Variants in ATG5 observed in about 807,000 individuals in gnomAD.
The protein encoded by ATG5 is autophagy protein 5.
ATG5 carries 14 observed loss-of-function variants against 36.5 expected under a neutral mutation model. The observed-to-expected ratio is 0.38, with a 90% CI of 0.25 to 0.60. ATG5 has a LOEUF of 0.60. Ranked by LOEUF, ATG5 falls within the 20% of genes least tolerant of loss-of-function variation. The pLI, the probability that ATG5 is intolerant of heterozygous loss-of-function variation, is 0.60. For synonymous variants in ATG5, 95 were observed against 101.5 expected (o/e 0.94, Z 0.38); for missense variants, 195 against 326.7 (o/e 0.60, Z 3.11).
At chr6:106,317,061 G>A (rs1770879559) in intron 1 of ATG5, among the ~76,000 whole-genome samples, 4 of 152,046 alleles carry the variant, frequency 2.6e-5, no homozygotes, top group African/African-American at 9.7e-5. Flanking sequence ...CACTAGATCT[G>A]CAAAACAATA....
chr6:106,195,045 C>A (rs1776121555), intron 7 of ATG5, among the ~76,000 whole-genome samples: 1 of 152,172 alleles, frequency 6.6e-6, no homozygotes, highest in African/African-American at 2.4e-5. Flanking sequence ...TCCAACTTGA[C>A]TAATTCCCTT....
intron 5 of ATG5, among the ~76,000 whole-genome samples, chr6:106,262,078 A>G (rs914847181): frequency 5.9e-5 from 9 of 152,160 alleles, no homozygotes; most frequent in African/African-American, 2.2e-4. Context: ...AGAGTTTCTG[A>G]TTCAGCTGAT....
chr6:106,316,697 T>G (rs528448256), intron 1 of ATG5, among the ~76,000 whole-genome samples: 1 of 152,292 alleles, frequency 6.6e-6, no homozygotes, highest in Admixed American at 6.5e-5. Context: ...CTACTCCAGA[T>G]AGTTTCTCCT....
At chr6:106,202,804 G>A (rs955380329) in intron 6 of ATG5, among the ~76,000 whole-genome samples, 14 of 152,172 alleles carry the variant, frequency 9.2e-5, no homozygotes, top group African/African-American at 3.4e-4. Flanking sequence ...TGGGACTACA[G>A]GAGTGCGCCA....
chr6:106,286,816 T>C (rs927210727), intron 4 of ATG5, among the ~76,000 whole-genome samples: 2 of 152,166 alleles, frequency 1.3e-5, no homozygotes, highest in Non-Finnish European at 2.9e-5. Flanking sequence ...AACAAGAAGA[T>C]AGGCCCCTCA....
At chr6:106,195,049 T>C (rs1776121643) in intron 7 of ATG5, among the ~76,000 whole-genome samples, 1 of 152,178 alleles carries the variant, frequency 6.6e-6, no homozygotes, top group Non-Finnish European at 1.5e-5. Context: ...ACTTGACTAA[T>C]TCCCTTAGCC....
intron 6 of ATG5, among the ~76,000 whole-genome samples, chr6:106,239,163 GAAA>G (rs11461527): frequency 3.2e-4 from 46 of 143,980 alleles, no homozygotes; most frequent in African/African-American, 1.1e-3. Flanking sequence ...AATAAAGCAA[GAAA>G]AAAAAAAGTT....
chr6:106,314,492 G>A (rs11152974), intron 2 of ATG5, among the ~76,000 whole-genome samples: 26,870 of 152,098 alleles, frequency 0.18, 2,775 homozygotes, highest in African/African-American at 0.28. Flanking sequence ...AGGAGAGGGA[G>A]GTTGCAGTGA....
rs187749255 is a variant in ATG5 at position 106,323,058 on chromosome 6, A to G, written c.-59+2468T>C. On this transcript the variant is annotated intron_variant, in intron 1 of 7. Coordinates refer to ENST00000369076, the MANE Select transcript of ATG5 (RefSeq NM_004849.4). The stretch of plus-strand genomic sequence containing the variant: ...CTTCAGCCTCCCAGTGGCTGGGACT[A>G]CAAGCGCTTGCCACCAGGCTCGGGT... 2.0e-5 allele frequency among the ~76,000 whole-genome samples: 3 copies of G among 151,932 alleles called. No homozygotes were observed. In the East Asian group the frequency reaches 5.8e-4, roughly 30 times the overall value.
chr6:106,317,170 G>T (rs1770883680), intron 1 of ATG5, among the ~76,000 whole-genome samples: 1 of 152,094 alleles, frequency 6.6e-6, no homozygotes, highest in African/African-American at 2.4e-5. Context: ...CACAATACAC[G>T]ATATGAGTAA....
At position 106,186,413 on chromosome 6, in the gene ATG5, G is replaced by T; in HGVS notation, c.*127C>A. 4 of 1,138,720 alleles carry T rather than the reference G, an allele frequency of 3.5e-6. No individual in the cohort carries two copies. The highest frequency in any genetic ancestry group is 2.2e-5 in the Admixed American group (1 of 45,564). The allele number at this position is 1,138,720 out of a possible 1,614,324, so 70.5% of individuals were successfully genotyped here. A position where few individuals can be genotyped will look rare whatever the true frequency, so the allele number is the denominator to read the frequency against. On this transcript the variant is annotated 3_prime_UTR_variant, in exon 8 of 8. Transcript: ENST00000369076. The stretch of plus-strand genomic sequence containing the variant: ...TTATCTGACATGGAATCTTTTTCCT[G>T]TCTGGCTTGCAGCAGCGAAGTGTTT...
chr6:106,312,123 G>T (rs530436615), intron 2 of ATG5, among the ~76,000 whole-genome samples: 6 of 152,188 alleles, frequency 3.9e-5, no homozygotes, highest in Non-Finnish European at 5.9e-5. Context: ...GAGCCACTGT[G>T]CCTGGCCTGA....
rs577767528 is a variant in ATG5 at position 106,309,727 on chromosome 6, A to T, written c.109-1236T>A. On this transcript the variant is annotated intron_variant, in intron 2 of 7. Coordinates refer to ENST00000369076, the MANE Select transcript of ATG5 (RefSeq NM_004849.4). ...TTCAGTGTAGTCTTTCAGAAATGAC[A>T]AATACAGATGTGACATTAAAGTCTC... 3.3e-5 allele frequency among the ~76,000 whole-genome samples: 5 copies of T among 152,296 alleles called. No individual in the cohort carries two copies. In the South Asian group the frequency reaches 1.0e-3, roughly 32 times the overall value.
chr6:106,299,393 TC>T (rs1447983867), intron 3 of ATG5, among the ~76,000 whole-genome samples: 1 of 152,182 alleles, frequency 6.6e-6, no homozygotes, highest in African/African-American at 2.4e-5. Context: ...ATATTTTCAA[TC>T]CATGGTTGGT....
Position 106,186,679 on chromosome 6 carries a change from A to C in ATG5, c.692-3T>G. 1 of 1,612,948 alleles carries C rather than the reference A, an allele frequency of 6.2e-7. No individual in the cohort carries two copies. The highest frequency in any genetic ancestry group is 8.5e-7 in the Non-Finnish European group (1 of 1,179,740). The stretch of plus-strand genomic sequence containing the variant: ...CACTTGATTCTTTTTTTCCCCATCT[A>C]TTCCAAGAAAGAAACCCAACAACAA... On this transcript the variant is annotated splice_region_variant and splice_polypyrimidine_tract_variant and intron_variant, in intron 7 of 7. Coordinates refer to ENST00000369076, the MANE Select transcript of ATG5 (RefSeq NM_004849.4).
intron 4 of ATG5, among the ~76,000 whole-genome samples, chr6:106,285,249 C>T (rs1043571550): frequency 6.6e-6 from 1 of 152,268 alleles, no homozygotes; most frequent in South Asian, 2.1e-4. Flanking sequence ...AGCAGTTCTA[C>T]AATTTTGTGG....
intron 5 of ATG5, among the ~76,000 whole-genome samples, chr6:106,250,767 T>G (rs959113137): frequency 6.6e-6 from 1 of 152,228 alleles, no homozygotes; most frequent in Non-Finnish European, 1.5e-5. Flanking sequence ...GATAGAACAC[T>G]ATGAACATAA....
intron 4 of ATG5, among the ~76,000 whole-genome samples, chr6:106,287,626 T>C (rs148138229): frequency 0.011 from 1,739 of 152,298 alleles, 31 homozygotes; most frequent in Non-Finnish European, 0.01. Context: ...CAAGGTTTTA[T>C]AGGATTTGTT....
chr6:106,274,513 T>G (rs567900431), intron 5 of ATG5, among the ~76,000 whole-genome samples: 2 of 152,292 alleles, frequency 1.3e-5, no homozygotes, highest in South Asian at 4.1e-4. Flanking sequence ...CAGTTCTAAA[T>G]GAAATAAATG....
Sources: gnomAD v4.1 joint callset for allele counts (sites outside exome capture counted in the v4.1 genomes callset) on GRCh38, gnomAD v4.1.1 for gene constraint, MANE v1.5 for transcripts, NCBI Gene and HGNC (gene_info 2026-07-23, HGNC 2026-07-21) for gene names.